Variants in DHRS4L2 observed in about 807,000 individuals in gnomAD.
DHRS4L2 encodes the protein dehydrogenase/reductase 4 like 2.
Under a neutral mutation model 23.9 loss-of-function variants are expected in DHRS4L2, and 22 were observed. That is an observed-to-expected ratio of 0.92 (90% CI 0.66 to 1.31). The LOEUF is 1.31. Ranked by LOEUF, DHRS4L2 falls within the 40% of genes most tolerant of loss-of-function variation. DHRS4L2 has a pLI of 0.00. For synonymous variants in DHRS4L2, 141 were observed against 123.7 expected, an observed-to-expected ratio of 1.14 and a Z score of -0.93; for missense variants, 385 against 303.3, an observed-to-expected ratio of 1.27 and a Z score of -2.00.
rs753726717 is a variant in DHRS4L2, at chr14:23,989,055, G to C, written c.108G>C (p.Leu36=). 9.5e-6 allele frequency: 15 copies of C among 1,585,834 alleles called. 1 individual carries two copies. In the South Asian group the frequency reaches 1.6e-4, roughly 17 times the overall value. ...ACCCGCTCACAAATAAGGTGGCCCT[G>C]GTAACGGCCTCCACCGACGGGTGAG... is the stretch of plus-strand genomic sequence containing the variant. The part of the protein sequence containing the change: ...RRDPLTNKVA[L]VTASTDGIGF... Residue 36 remains leucine (L), a synonymous_variant, in exon 1 of 8, where the codon CTG becomes CTC. Coordinates refer to ENST00000335125, the MANE Select transcript of DHRS4L2 (RefSeq NM_198083.4).
chr14:23,986,962 G>A (rs2034157621), upstream of DHRS4L2, among the ~76,000 whole-genome samples: 1 of 151,586 alleles, frequency 6.6e-6, no homozygotes, highest in South Asian at 2.1e-4. Flanking sequence ...GCTTTGCCTG[G>A]ACATGGGGAA....
chr14:23,973,534 C>T (rs2033907298), intron 1 of DHRS4L2, among the ~76,000 whole-genome samples: 1 of 151,654 alleles, frequency 6.6e-6, no homozygotes, highest in Admixed American at 6.6e-5. Flanking sequence ...CACACTGCCA[C>T]CTCTCAAAGG....
At position 23,991,623 on chromosome 14, in the gene DHRS4L2, G is replaced by A. The variant is rs1349396486; in HGVS notation, c.306+1264G>A. ...TCTGCAAAATGAGCAGACAGCCAAG[G>A]AGGAACTGAAGGAAAGAGAGGAGCA... On this transcript the variant is annotated intron_variant, in intron 2 of 7. Coordinates refer to ENST00000335125, the MANE Select transcript of DHRS4L2 (RefSeq NM_198083.4). 2.6e-5 allele frequency among the ~76,000 whole-genome samples: 4 copies of A among 151,682 alleles called. No homozygotes were observed. In the East Asian group the frequency reaches 7.7e-4, roughly 29 times the overall value.
upstream of DHRS4L2, among the ~76,000 whole-genome samples, chr14:23,985,523 C>G (rs1247629538): frequency 1.3e-5 from 2 of 151,478 alleles, no homozygotes; most frequent in Non-Finnish European, 2.9e-5. Flanking sequence ...CAGATGAATT[C>G]TCTTCTGGAC....
chr14:23,983,714 A>G (rs1215928227), intron 1 of DHRS4L2, among the ~76,000 whole-genome samples: 1 of 151,776 alleles, frequency 6.6e-6, no homozygotes, highest in African/African-American at 2.4e-5. Context: ...AAAAAAGATG[A>G]GTTCATGTCC....
chr14:23,999,399 T>C (rs1216167711), intron 3 of DHRS4L2, among the ~76,000 whole-genome samples: 10 of 90,164 alleles, frequency 1.1e-4, no homozygotes, highest in Middle Eastern at 8.5e-3. Context: ...CATAAGAAAA[T>C]ATGTGTCTAT....
At position 24,001,500 on chromosome 14, in the gene DHRS4L2, A is replaced by T; in HGVS notation, c.648A>T (p.Arg216Ser). Reference protein sequence around the residue: ...RVNCLHLDLSRLASAGCSGWT... With the variant: ...RVNCLHLDLSSLASAGCSGWT... ...ACTGCCTGCACCTGGACTTATCAAG[A>T]CTAGCTTCAGCAGGATGGTGAGGAA... The change falls in exon 6 of 8, where the codon AGA (arginine) becomes AGT (serine). Residue 216 changes from arginine (R) to serine (S), a missense_variant. Physicochemically the swap from Arg to Ser is moderately radical, Grantham distance 110 (BLOSUM62 -1). Transcript: ENST00000335125. 1.2e-6 allele frequency: 2 copies of T among 1,603,000 alleles called. No individual in the cohort carries two copies. The highest frequency in any genetic ancestry group is 1.7e-6 in the Non-Finnish European group (2 of 1,177,584).
At chr14:24,004,269 TAAAAAAAAAA>T (rs750912070) in intron 6 of DHRS4L2, 58 bp from the exon 7 acceptor site, 2 of 1,330,354 alleles carry the variant, frequency 1.5e-6, no homozygotes, top group Non-Finnish European at 1.9e-6. Context: ...ACTCCGTCTC[TAAAAAAAAAA>T]AAAAAAAAAG....
At chr14:23,997,636 G>A (rs1450571605) in intron 3 of DHRS4L2, among the ~76,000 whole-genome samples, 10 of 146,468 alleles carry the variant, frequency 6.8e-5, no homozygotes, top group South Asian at 2.1e-4. Flanking sequence ...TTGCTTATCC[G>A]TACGAACCAG....
In DHRS4L2 at chr14:24,000,728, A is replaced by C. The variant is rs986149035; in HGVS notation, c.409-135A>C. The C allele has an allele frequency of 5.1e-5, 40 of 782,926 alleles. 1 individual carries two copies. The highest frequency in any genetic ancestry group is 7.1e-5 in the African/African-American group (4 of 56,416). 48.5% of individuals were successfully genotyped at this position (782,926 alleles called of 1,614,324 possible). ...CTGAACCTCAGTTCCTTCATGTGTA[A>C]GATGCAGGTATATCATCCTAAGATC... On this transcript the variant is annotated intron_variant, in intron 3 of 7. Transcript: ENST00000335125.
upstream of DHRS4L2, among the ~76,000 whole-genome samples, chr14:23,985,267 C>T (rs2034119727): frequency 6.6e-6 from 1 of 151,668 alleles, no homozygotes; most frequent in African/African-American, 2.4e-5. Flanking sequence ...TACATTAAAA[C>T]ACCCATTTCA....
chr14:23,970,955 G>A (rs1260090789), intron 1 of DHRS4L2, among the ~76,000 whole-genome samples: 3 of 152,054 alleles, frequency 2.0e-5, no homozygotes, highest in Non-Finnish European at 4.4e-5. Context: ...ATCAACATCA[G>A]AATAGCAAAG....
At chr14:23,977,917 C>T (rs1258304662) in intron 1 of DHRS4L2, among the ~76,000 whole-genome samples, 1 of 151,530 alleles carries the variant, frequency 6.6e-6, no homozygotes, top group African/African-American at 2.4e-5. Context: ...AACTATGTGC[C>T]AACCTTGTAC....
chr14:23,986,922 G>T (rs969846704), upstream of DHRS4L2, among the ~76,000 whole-genome samples: 1 of 151,550 alleles, frequency 6.6e-6, no homozygotes, highest in African/African-American at 2.4e-5. Flanking sequence ...AATTCATGAG[G>T]CTCAGACTGA....
intron 1 of DHRS4L2, among the ~76,000 whole-genome samples, chr14:23,979,261 T>A (rs2034020406): frequency 6.9e-6 from 1 of 145,620 alleles, no homozygotes; most frequent in Non-Finnish European, 1.5e-5. Flanking sequence ...AATATATATG[T>A]ACCCAATACA....
In DHRS4L2 at chr14:24,006,229, G is replaced by A. The variant is rs975924108; in HGVS notation, c.*366G>A. The A allele has an allele frequency of 1.9e-5, 12 of 642,182 alleles. No individual in the cohort carries two copies. The African/African-American group carries it at 2.3e-4, about 12-fold the overall frequency. 39.8% of individuals were successfully genotyped at this position (642,182 alleles called of 1,614,324 possible). ...GGCCTCCCCTGAGAACACAGGACAG[G>A]CCTGCTGACAAGGCTGAGTCTACCT... On this transcript the variant is annotated 3_prime_UTR_variant, in exon 8 of 8. Coordinates refer to ENST00000335125, the MANE Select transcript of DHRS4L2 (RefSeq NM_198083.4).
intron 7 of DHRS4L2, 71 bp from the exon 8 acceptor site, chr14:24,005,815 C>T: frequency 2.5e-6 from 4 of 1,580,934 alleles, no homozygotes; most frequent in Non-Finnish European, 3.4e-6. Context: ...AAATTTAACT[C>T]CCCGTGTCCC....
intron 1 of DHRS4L2, among the ~76,000 whole-genome samples, chr14:23,989,901 G>C (rs1338555541): frequency 6.6e-6 from 1 of 151,548 alleles, no homozygotes; most frequent in Non-Finnish European, 1.5e-5. Context: ...TCACCTCTCA[G>C]TCCCAACAGG....
At chr14:23,991,946 G>C (rs1020746329) in intron 2 of DHRS4L2, among the ~76,000 whole-genome samples, 2 of 151,394 alleles carry the variant, frequency 1.3e-5, no homozygotes, top group African/African-American at 4.8e-5. Flanking sequence ...ATGTTGGCCA[G>C]GCTGGTCTTG....
Sources: allele counts gnomAD v4.1 joint callset (sites outside exome capture counted in the v4.1 genomes callset), GRCh38; gene constraint gnomAD v4.1.1; transcripts MANE v1.5; gene names NCBI Gene and HGNC (gene_info 2026-07-23, HGNC 2026-07-21).